The following FAT1 variants were observed in gnomAD, a reference collection of about 807,000 sequenced individuals.
FAT1 encodes protocadherin Fat 1.
In FAT1, 171 loss-of-function variants were observed where a neutral mutation model predicts 329.8. That is an observed-to-expected ratio of 0.52 (90% CI 0.46 to 0.59). The LOEUF is 0.59. Ranked by LOEUF, FAT1 falls within the 20% of genes least tolerant of loss-of-function variation. The probability of loss-of-function intolerance (pLI) is 0.00; values close to 1 mark genes in which losing one functional copy is unlikely to be tolerated. For synonymous variants in FAT1, 2,233 were observed against 2,228.6 expected (o/e 1.00, Z -0.06); for missense variants, 5,672 against 5,774.4 (o/e 0.98, Z 0.57).
In FAT1 at chr4:186,709,112, C is replaced by A. The variant is rs2126701626; in HGVS notation, c.716G>T (p.Ser239Ile). ...MKLYGSSGIS[S>I]MAKLTVHIEQ... ...GATGTGCACCGTTAGCTTGGCCATG[C>A]TGCTGATGCCACTGCTCCCATACAA... Residue 239 changes from serine to isoleucine, a missense_variant, in exon 2 of 27, where the codon AGC (serine) becomes ATC (isoleucine). Ser to Ile is a moderately radical substitution (Grantham distance 142). Transcript: ENST00000441802. 1 of 1,613,844 alleles carries A rather than the reference C, an allele frequency of 6.2e-7. No homozygotes were observed. Among genetic ancestry groups the A allele is most frequent in the Non-Finnish European group, 8.5e-7 (1 of 1,179,740 alleles).
chr4:186,642,570 A>G (rs1741151509), intron 3 of FAT1, among the ~76,000 whole-genome samples: 1 of 152,234 alleles, frequency 6.6e-6, no homozygotes, highest in African/African-American at 2.4e-5. Context: ...CCCATAAGTG[A>G]GCCAACAGAG....
rs1398032590 is a variant in FAT1, at chr4:186,603,372, G to T, written c.11154C>A (p.Ser3718=). 1 of 1,613,962 alleles carries T rather than the reference G, an allele frequency of 6.2e-7. No individual in the cohort carries two copies. Among genetic ancestry groups the T allele is most frequent in the East Asian group, 2.2e-5 (1 of 44,870 alleles). The change falls in exon 19 of 27, where the codon TCC becomes TCA. Residue 3718 remains serine (S), a synonymous_variant. Transcript: ENST00000441802. ...TKQLLHKINS[S]VTDIEEIIGV... The stretch of plus-strand genomic sequence containing the variant: ...CAATGATTTCCTCAATGTCAGTCAC[G>T]GAAGAGTTAATCTTGTGCAGAAGTT...
intron 2 of FAT1, among the ~76,000 whole-genome samples, chr4:186,681,234 C>T (rs1048985954): frequency 9.2e-5 from 14 of 152,242 alleles, no homozygotes; most frequent in Middle Eastern, 6.8e-3. Context: ...TTATACCTCT[C>T]TATATTTACT....
In FAT1 at chr4:186,588,739, G is replaced by C. The variant is rs773428259; in HGVS notation, c.13620C>G (p.Tyr4540Ter). The stretch of plus-strand genomic sequence containing the variant: ...CGTCAGAGCAGGAGGCGGTGGAGGC[G>C]TACACAGACATGGGCATGCTCTCGA... ...PAVESMPMSVYASTASCSDVS... is the reference protein window; with the variant it reads ...PAVESMPMSV Residue 4540 changes from tyrosine to a stop codon, truncating the protein, a stop_gained, in exon 27 of 27, where the codon TAC becomes TAG. Transcript: ENST00000441802. LOFTEE classifies it high-confidence loss of function. 6.2e-7 allele frequency: 1 copy of C among 1,613,818 alleles called. No individual in the cohort carries two copies. The highest frequency in any genetic ancestry group is 1.3e-5 in the African/African-American group (1 of 74,906).
intron 26 of FAT1, chr4:186,590,537 C>T (rs537669068): frequency 3.1e-5 from 15 of 489,794 alleles, no homozygotes; most frequent in South Asian, 1.4e-4. Flanking sequence ...CATGTCCTTA[C>T]GCCAGTATCT....
At chr4:186,700,417 A>G (rs774616389) in intron 2 of FAT1, among the ~76,000 whole-genome samples, 11 of 152,162 alleles carry the variant, frequency 7.2e-5, no homozygotes, top group Non-Finnish European at 1.5e-4. Context: ...CGCTGGCCTG[A>G]TCTTGACTTG....
At chr4:186,594,078 T>G (rs1318345498) in intron 26 of FAT1, among the ~76,000 whole-genome samples, 6 of 152,146 alleles carry the variant, frequency 3.9e-5, no homozygotes, top group Non-Finnish European at 7.4e-5. Flanking sequence ...GACTATTTTT[T>G]TTTTTGAGAC....
chr4:186,707,613 T>A lies in FAT1; in HGVS notation c.2215A>T (p.Met739Leu), dbSNP rs151044850. Residue 739 changes from methionine (M) to leucine (L), a missense_variant, in exon 2 of 27, where the codon ATG (methionine) becomes TTG (leucine). By Grantham distance (15) the Met-to-Leu change is conservative (BLOSUM62 2). Transcript: ENST00000441802. ...NQPVGSSVIF[M>L]NSTDLDTGFN... Reference sequence around the variant, plus strand: ...CCAGTGTCAAGGTCAGTGGAGTTCATGAAAATTACACTGGAACCCACAGGC... The same window carrying A: ...CCAGTGTCAAGGTCAGTGGAGTTCAAGAAAATTACACTGGAACCCACAGGC... The A allele has an allele frequency of 3.1e-6, 5 of 1,614,018 alleles. No homozygotes were observed. The African/African-American group carries it at 5.3e-5, about 17-fold the overall frequency.
chr4:186,709,472 A>C lies in FAT1; in HGVS notation c.356T>G (p.Ile119Arg), dbSNP rs2126704479. 6.2e-7 allele frequency: 1 copy of C among 1,613,906 alleles called. No individual in the cohort carries two copies. Among genetic ancestry groups the C allele is most frequent in the Non-Finnish European group, 8.5e-7 (1 of 1,179,880 alleles). ...AGTATTTTTTTCAAGTGCTTTCACTATCAATGTGTAGTGATCCTTCACTTC... is the reference window on the plus strand; with the variant it reads ...AGTATTTTTTTCAAGTGCTTTCACTCTCAATGTGTAGTGATCCTTCACTTC... ...NREVKDHYTL[I>R]VKALEKNTNV... The change falls in exon 2 of 27, where the codon ATA (isoleucine) becomes AGA (arginine). Residue 119 changes from isoleucine to arginine, a missense_variant. By Grantham distance (97) the Ile-to-Arg change is moderately conservative (BLOSUM62 -3). This residue lies in a region of FAT1 where 3,966 missense variants were observed against 3,915.2 expected (regional missense o/e 1.01). Coordinates refer to ENST00000441802, the MANE Select transcript of FAT1 (RefSeq NM_005245.4).
intron 3 of FAT1, among the ~76,000 whole-genome samples, chr4:186,662,072 T>C (rs909162041): frequency 2.8e-5 from 4 of 145,372 alleles, no homozygotes; most frequent in East Asian, 2.1e-4. Context: ...GTGATGATGA[T>C]TGTTGAGGTT....
intron 2 of FAT1, among the ~76,000 whole-genome samples, chr4:186,692,335 C>T (rs180847784): frequency 0.012 from 1,770 of 146,122 alleles, 37 homozygotes; most frequent in African/African-American, 0.044. Flanking sequence ...TTTTTTGAGA[C>T]GGAGTCTCGC....
At position 186,709,239 on chromosome 4, in the gene FAT1, T is replaced by C. The variant is rs776771786; in HGVS notation, c.589A>G (p.Ile197Val). 1.2e-6 allele frequency: 2 copies of C among 1,614,034 alleles called. No homozygotes were observed. Among genetic ancestry groups the C allele is most frequent in the East Asian group, 2.2e-5 (1 of 44,884 alleles). ...ACTATCACACCACTGGTTGGGTGAA[T>C]AGCAAACATATCTGTTCGATCTTTA... ...SFKDRTDMFA[I>V]HPTSGVIVLT... Residue 197 changes from isoleucine (I) to valine (V), a missense_variant, in exon 2 of 27, where the codon ATT becomes GTT. By Grantham distance (29) the Ile-to-Val change is conservative. This residue lies in a region of FAT1 where 3,966 missense variants were observed against 3,915.2 expected (regional missense o/e 1.01). Transcript: ENST00000441802.
chr4:186,691,436 G>A (rs946512511), intron 2 of FAT1, among the ~76,000 whole-genome samples: 3 of 152,100 alleles, frequency 2.0e-5, no homozygotes, highest in Admixed American at 6.5e-5. Flanking sequence ...TTCTAACAAA[G>A]TTTGTCAACT....
At chr4:186,691,229 T>A (rs1466687176) in intron 2 of FAT1, among the ~76,000 whole-genome samples, 3 of 152,230 alleles carry the variant, frequency 2.0e-5, no homozygotes, top group Non-Finnish European at 4.4e-5. Flanking sequence ...GGGACATGAA[T>A]CACTGTTGTG....
At position 186,706,694 on chromosome 4, in the gene FAT1, T is replaced by A. The variant is rs1744624271; in HGVS notation, c.3134A>T (p.Glu1045Val). 1 of 1,614,020 alleles carries A rather than the reference T, an allele frequency of 6.2e-7. No individual in the cohort carries two copies. ...TACCAATGAACCAACAGGTGCATCT[T>A]CTTTCACTGTCCCCTTTTCCACAAA... is the stretch of plus-strand genomic sequence containing the variant. ...SSFVEKGTVK[E>V]DAPVGSLVMT... Residue 1045 changes from glutamate (E) to valine (V), a missense_variant, in exon 2 of 27, where the codon GAA (glutamate) becomes GTA (valine). This residue lies in a region of FAT1 where 3,966 missense variants were observed against 3,915.2 expected (regional missense o/e 1.01). Transcript: ENST00000441802.
At position 186,588,986 on chromosome 4, in the gene FAT1, T is replaced by C. The variant is rs2126353776; in HGVS notation, c.13373A>G (p.Gln4458Arg). The change falls in exon 27 of 27, where the codon CAG becomes CGG. Residue 4458 changes from glutamine (Q) to arginine (R), a missense_variant. Transcript: ENST00000441802. ...TCTAGGAGGGTGGATGGATTCAAACTGATTGCTGAATTCGGGCGGTAACGG... is the reference window on the plus strand; with the variant it reads ...TCTAGGAGGGTGGATGGATTCAAACCGATTGCTGAATTCGGGCGGTAACGG... ...LPPLPPEFSN[Q>R]FESIHPPRDM... The C allele has an allele frequency of 3.1e-6, 5 of 1,613,938 alleles. No homozygotes were observed. In the South Asian group the frequency reaches 3.3e-5, roughly 11 times the overall value.
At position 186,597,282 on chromosome 4, in the gene FAT1, A is replaced by G. The variant is rs1738579132; in HGVS notation, c.12369-111T>C. 14 of 1,204,120 alleles carry G rather than the reference A, an allele frequency of 1.2e-5. No homozygotes were observed. The African/African-American group carries it at 2.1e-4, about 18-fold the overall frequency. 74.6% of individuals were successfully genotyped at this position (1,204,120 alleles called of 1,614,324 possible). On this transcript the variant is annotated intron_variant, in intron 24 of 26. Transcript: ENST00000441802. ...TCCCTCCTTGATGAGCTATGTGAAG[A>G]TCAAACCCAGATAAAAGACAACTAA...
chr4:186,705,134 C>T (rs189541309), intron 2 of FAT1, among the ~76,000 whole-genome samples: 60 of 134,794 alleles, frequency 4.5e-4, no homozygotes, highest in African/African-American at 6.3e-4. Context: ...TTGGTAGGAA[C>T]GAGGTTTTGC....
chr4:186,625,227 T>C (rs932815957), intron 9 of FAT1, among the ~76,000 whole-genome samples: 1 of 152,370 alleles, frequency 6.6e-6, no homozygotes, highest in African/African-American at 2.4e-5. Context: ...AATTACTTTA[T>C]TGAAGTACGC....
Sources: gnomAD v4.1 joint callset for allele counts (sites outside exome capture counted in the v4.1 genomes callset) on GRCh38, gnomAD v4.1.1 for gene constraint, gnomAD v4.1.1 regional missense constraint, MANE v1.5 for transcripts, NCBI Gene and HGNC (gene_info 2026-07-23, HGNC 2026-07-21) for gene names.